MIIP: variants seen among roughly 807,000 people sequenced by gnomAD.
MIIP encodes the protein migration and invasion-inhibitory protein.
In MIIP, 44 loss-of-function variants were observed where a neutral mutation model predicts 44.8. That is an observed-to-expected ratio of 0.98 (90% CI 0.77 to 1.26). MIIP has a LOEUF of 1.26. Among genes scored for constraint, MIIP ranks in the 50% most tolerant of loss-of-function variants. The pLI, the probability that MIIP is intolerant of heterozygous loss-of-function variation, is 0.00. For missense variants in MIIP, 496 were observed against 511.7 expected, an observed-to-expected ratio of 0.97 and a Z score of 0.30; for synonymous variants, 225 against 218.3, an observed-to-expected ratio of 1.03 and a Z score of -0.27.
At chr1:12,030,207 G>T in intron 8 of MIIP, 83 bp downstream of exon 8, 2 of 1,358,540 alleles carry the variant, frequency 1.5e-6, no homozygotes, top group Admixed American at 1.8e-5. Context: ...GTCACAGAGC[G>T]AGACTGGGCT....
At chr1:12,030,774 CAA>C (rs139223223) in intron 8 of MIIP, among the ~76,000 whole-genome samples, 3 of 135,656 alleles carry the variant, frequency 2.2e-5, no homozygotes, top group African/African-American at 5.5e-5. Context: ...GACTCCATCT[CAA>C]AAAAAAAAAA....
intron 4 of MIIP, 94 bp from the exon 5 acceptor site, chr1:12,028,938 GC>G: frequency 9.8e-7 from 1 of 1,015,326 alleles, no homozygotes. Flanking sequence ...GGCCTGGGGT[GC>G]CAGGGCTGAT....
chr1:12,031,573 C>T, intron 9 of MIIP, 149 bp from the exon 10 acceptor site: 1 of 1,596,378 alleles, frequency 6.3e-7, no homozygotes, highest in Non-Finnish European at 8.5e-7. Context: ...CCTAGCCATC[C>T]CTCGGAACTC....
chr1:12,028,289 G>A (rs1640145631), intron 4 of MIIP, among the ~76,000 whole-genome samples: 1 of 152,170 alleles, frequency 6.6e-6, no homozygotes, highest in Non-Finnish European at 1.5e-5. Context: ...AATCCTAACC[G>A]ATGCCTCTGC....
At chr1:12,026,281 G>A (rs951880449) in intron 4 of MIIP, among the ~76,000 whole-genome samples, 2 of 152,088 alleles carry the variant, frequency 1.3e-5, no homozygotes, top group African/African-American at 4.8e-5. Flanking sequence ...CTCTAACCCG[G>A]GCGACAAAGT....
intron 9 of MIIP, 29 bp from the exon 10 acceptor site, chr1:12,031,693 C>A (rs947746772): frequency 6.2e-7 from 1 of 1,613,980 alleles, no homozygotes; most frequent in East Asian, 2.2e-5. Context: ...TCAAGTGGCC[C>A]CCCTGAGACT....
At chr1:12,028,719 G>A (rs1449066503) in intron 4 of MIIP, 4 of 353,460 alleles carry the variant, frequency 1.1e-5, no homozygotes, top group Non-Finnish European at 2.1e-5. Flanking sequence ...CCACCTTACA[G>A]TGTAAGCCTC....
chr1:12,027,642 G>A (rs568655337), intron 4 of MIIP, among the ~76,000 whole-genome samples: 2 of 152,122 alleles, frequency 1.3e-5, no homozygotes, highest in East Asian at 3.9e-4. Flanking sequence ...TCTCCCAAAC[G>A]CTGAGGTGTT....
rs200524056 is a variant in MIIP at position 12,024,378 on chromosome 1, T to TG, written c.547+1462dup. On this transcript the variant is annotated intron_variant, in intron 4 of 9. Transcript: ENST00000235332. ...CCCATTGCTGTCCTTTGCATGTGTATGTGTGTTTGTGTAAATACATAACAT... is the reference window on the plus strand; with the variant it reads ...CCCATTGCTGTCCTTTGCATGTGTATGGTGTGTTTGTGTAAATACATAACAT... Among the ~76,000 whole-genome samples, 995 of 152,340 alleles carry TG rather than the reference T, an allele frequency of 6.5e-3. 7 individuals are homozygous for TG. Among genetic ancestry groups the TG allele is most frequent in the African/African-American group, 0.023 (958 of 41,574 alleles).
intron 4 of MIIP, among the ~76,000 whole-genome samples, chr1:12,024,534 G>A (rs1188285245): frequency 5.9e-5 from 9 of 152,080 alleles, no homozygotes; most frequent in African/African-American, 1.2e-4. Flanking sequence ...CTGCCTCAGC[G>A]TCCCGAGTAG....
chr1:12,029,443 C>A lies in MIIP; in HGVS notation c.715+162C>A, dbSNP rs925676017. The A allele has an allele frequency of 3.1e-5, 26 of 846,298 alleles. No homozygotes were observed. In the African/African-American group the frequency reaches 4.1e-4, roughly 13 times the overall value. 52.4% of individuals were successfully genotyped at this position (846,298 alleles called of 1,614,324 possible). A position where few individuals can be genotyped will look rare whatever the true frequency, so the allele number is the denominator to read the frequency against. On this transcript the variant is annotated intron_variant, in intron 6 of 9. Transcript: ENST00000235332. ...CTGCAGTCTGGACAGGGTGGCCAAG[C>A]CCTGGTAGGGGTGGAGTGAGCTAAG...
chr1:12,031,210 C>G, intron 8 of MIIP, 56 bp from the exon 9 acceptor site: 2 of 1,567,244 alleles, frequency 1.3e-6, no homozygotes, highest in Non-Finnish European at 1.7e-6. Flanking sequence ...GGGGTGTGCC[C>G]AGTCAGCGGG....
chr1:12,022,795 T>C, intron 3 of MIIP, 38 bp from the exon 4 acceptor site: 1 of 1,527,710 alleles, frequency 6.5e-7, no homozygotes, highest in Non-Finnish European at 9.0e-7. Flanking sequence ...GCCAGGCCTC[T>C]TGGCTTAGTC....
At chr1:12,025,385 A>G (rs748270420) in intron 4 of MIIP, among the ~76,000 whole-genome samples, 18 of 152,044 alleles carry the variant, frequency 1.2e-4, no homozygotes, top group Non-Finnish European at 2.1e-4. Flanking sequence ...TTTAAGGCTG[A>G]GTGACATTCT....
intron 6 of MIIP, 94 bp downstream of exon 6, chr1:12,029,375 G>T: frequency 7.5e-7 from 1 of 1,331,390 alleles, no homozygotes. Flanking sequence ...GAGGTTTGGG[G>T]CCTGGGGAGG....
intron 3 of MIIP, 22 bp downstream of exon 3, chr1:12,022,464 TCTG>T (rs1300725069): frequency 2.0e-6 from 3 of 1,485,136 alleles, no homozygotes; most frequent in East Asian, 2.4e-5. Context: ...GAGCGGGACA[TCTG>T]CTGATGGGAG....
intron 4 of MIIP, among the ~76,000 whole-genome samples, chr1:12,025,195 TATTACAG>T: frequency 6.6e-6 from 1 of 151,566 alleles, no homozygotes; most frequent in African/African-American, 2.4e-5. Flanking sequence ...GAGTAGCAGG[TATTACAG>T]GTGTGCGCCA....
intron 1 of MIIP, 36 bp downstream of exon 1, chr1:12,019,588 A>C (rs999230389): frequency 1.3e-5 from 2 of 152,464 alleles, no homozygotes; most frequent in African/African-American, 4.8e-5. Flanking sequence ...GTGGGGCGGA[A>C]GGGCTCGGCA....
chr1:12,029,445 C>G, intron 6 of MIIP, 164 bp downstream of exon 6: 1 of 833,618 alleles, frequency 1.2e-6, no homozygotes, highest in South Asian at 1.8e-5. Flanking sequence ...TGGCCAAGCC[C>G]TGGTAGGGGT....
Sources: gnomAD v4.1 joint callset for allele counts (sites outside exome capture counted in the v4.1 genomes callset) on GRCh38, gnomAD v4.1.1 for gene constraint, MANE v1.5 for transcripts, NCBI Gene and HGNC (gene_info 2026-07-23, HGNC 2026-07-21) for gene names.